Variants in NBEA observed in about 807,000 individuals in gnomAD.
NBEA encodes the protein neurobeachin.
Under a neutral mutation model 343.4 loss-of-function variants are expected in NBEA, and 44 were observed. The ratio of observed to expected loss-of-function variants is 0.13; its 90% CI spans 0.10 to 0.16. The LOEUF is 0.16. Among genes scored for constraint, NBEA ranks in the 10% least tolerant of loss-of-function variants. The pLI is 1.00. For missense variants in NBEA, 2,555 were observed against 3,631.3 expected (o/e 0.70, Z 7.62); for synonymous variants, 1,175 against 1,238.7 (o/e 0.95, Z 1.08).
chr13:35,566,230 G>T lies in NBEA; in HGVS notation c.6923-675G>T, dbSNP rs185452496. 4.3e-3 allele frequency among the ~76,000 whole-genome samples: 654 copies of T among 152,002 alleles called. 5 individuals carry two copies. The highest frequency in any genetic ancestry group is 7.4e-3 in the Non-Finnish European group (504 of 67,952). Reference sequence around the variant, plus strand: ...ACAAAAATTAGCCAGGTGCGGTGGCGCGTGCCTGTAATCCCAGCTACTCAG... The same window carrying T: ...ACAAAAATTAGCCAGGTGCGGTGGCTCGTGCCTGTAATCCCAGCTACTCAG... On this transcript the variant is annotated intron_variant, in intron 44 of 58. Coordinates refer to ENST00000379939, the MANE Select transcript of NBEA (RefSeq NM_001385012.1).
intron 36 of NBEA, among the ~76,000 whole-genome samples, chr13:35,323,482 A>G (rs2788386): frequency 0.22 from 33,273 of 149,674 alleles, 4,198 homozygotes; most frequent in African/African-American, 0.35. Flanking sequence ...ACCAAACACC[A>G]CATATTCTCA....
intron 23 of NBEA, among the ~76,000 whole-genome samples, chr13:35,162,340 T>C (rs1041418658): frequency 1.3e-5 from 2 of 152,186 alleles, no homozygotes; most frequent in Non-Finnish European, 2.9e-5. Context: ...ATCATTTACA[T>C]AGGCATGAAT....
intron 33 of NBEA, among the ~76,000 whole-genome samples, chr13:35,228,760 A>G (rs936718064): frequency 2.0e-5 from 3 of 152,130 alleles, no homozygotes; most frequent in African/African-American, 7.2e-5. Flanking sequence ...ATAGTCATCA[A>G]TCAAGCATCT....
At chr13:35,125,826 A>T (rs1055128917) in intron 17 of NBEA, among the ~76,000 whole-genome samples, 5 of 134,930 alleles carry the variant, frequency 3.7e-5, no homozygotes, top group African/African-American at 1.4e-4. Flanking sequence ...AAACAAATGC[A>T]TACATACATA....
chr13:35,466,052 T>C (rs2075373519), intron 40 of NBEA, among the ~76,000 whole-genome samples: 1 of 152,172 alleles, frequency 6.6e-6, no homozygotes. Context: ...ATTCAGTTGC[T>C]CATATAAGAG....
chr13:35,287,288 TG>T (rs1406416618), intron 34 of NBEA, among the ~76,000 whole-genome samples: 1 of 152,020 alleles, frequency 6.6e-6, no homozygotes, highest in Non-Finnish European at 1.5e-5. Context: ...ATATTTTTGT[TG>T]GGGAGGCACA....
At chr13:35,085,005 C>A (rs965969026) in intron 10 of NBEA, among the ~76,000 whole-genome samples, 1 of 152,166 alleles carries the variant, frequency 6.6e-6, no homozygotes, top group Non-Finnish European at 1.5e-5. Flanking sequence ...AATTCCTCGA[C>A]ACATACACCC....
chr13:35,137,745 C>T (rs1014056491), intron 17 of NBEA, among the ~76,000 whole-genome samples: 5 of 151,592 alleles, frequency 3.3e-5, no homozygotes, highest in African/African-American at 1.2e-4. Flanking sequence ...TTTCTGTTTC[C>T]CTACAGTTTA....
intron 1 of NBEA, among the ~76,000 whole-genome samples, chr13:35,040,564 A>G (rs2062612903): frequency 6.6e-6 from 1 of 152,008 alleles, no homozygotes; most frequent in Non-Finnish European, 1.5e-5. Context: ...AATGAATTTC[A>G]TGTCTTAAAA....
intron 11 of NBEA, among the ~76,000 whole-genome samples, chr13:35,104,732 T>G (rs1378927120): frequency 1.3e-5 from 2 of 152,098 alleles, no homozygotes; most frequent in South Asian, 2.1e-4. Flanking sequence ...ATGAGAGGCC[T>G]TTTTATTAAT....
chr13:35,064,637 G>A (rs1566230217), intron 8 of NBEA, among the ~76,000 whole-genome samples: 2 of 151,878 alleles, frequency 1.3e-5, no homozygotes, highest in Non-Finnish European at 2.9e-5. Context: ...TCAGTAGCCC[G>A]TAATCTGACT....
At chr13:35,365,498 A>G (rs1407622213) in intron 38 of NBEA, among the ~76,000 whole-genome samples, 1 of 151,656 alleles carries the variant, frequency 6.6e-6, no homozygotes. Flanking sequence ...TTATTAAAAT[A>G]TACATCTACC....
chr13:35,093,501 T>G, intron 10 of NBEA, among the ~76,000 whole-genome samples: 1 of 152,024 alleles, frequency 6.6e-6, no homozygotes, highest in East Asian at 1.9e-4. Context: ...TAGTGTATGT[T>G]AATCCTATTT....
rs768996415 is a variant in NBEA at position 35,055,995 on chromosome 13, AT to A, written c.973-8del. The A allele has an allele frequency of 1.9e-6, 3 of 1,563,570 alleles. No individual in the cohort carries two copies. The highest frequency in any genetic ancestry group is 1.8e-5 in the Admixed American group (1 of 54,110). ...CAAACATTACATATTGATATATTTA[AT>A]TTTTTTATTTAAGTGGTACATGATC... On this transcript the variant is annotated splice_polypyrimidine_tract_variant and intron_variant, in intron 6 of 58. Transcript: ENST00000379939.
chr13:35,114,833 T>G (rs1455437344), intron 13 of NBEA, among the ~76,000 whole-genome samples: 1 of 152,232 alleles, frequency 6.6e-6, no homozygotes, highest in Non-Finnish European at 1.5e-5. Flanking sequence ...TATAGTAGAA[T>G]GTAAGGTTCT....
chr13:35,032,852 T>C (rs1401500132), intron 1 of NBEA, among the ~76,000 whole-genome samples: 4 of 151,748 alleles, frequency 2.6e-5, no homozygotes, highest in Non-Finnish European at 5.9e-5. Context: ...GTTTGGATTA[T>C]TAGATATTTT....
chr13:35,381,984 A>T (rs2152892563), intron 38 of NBEA, among the ~76,000 whole-genome samples: 1 of 152,274 alleles, frequency 6.6e-6, no homozygotes, highest in East Asian at 1.9e-4. Context: ...AATGGAAAAC[A>T]ACAATTATTC....
At chr13:35,241,473 C>T (rs1401851147) in intron 34 of NBEA, among the ~76,000 whole-genome samples, 1 of 151,496 alleles carries the variant, frequency 6.6e-6, no homozygotes. Context: ...GAGAAAAAAA[C>T]ATAGGAAAAT....
chr13:35,322,556 G>A (rs2038236269), intron 36 of NBEA, among the ~76,000 whole-genome samples: 1 of 152,178 alleles, frequency 6.6e-6, no homozygotes, highest in African/African-American at 2.4e-5. Context: ...GACTGGAGCT[G>A]TTCTTATTCG....
Sources: allele counts gnomAD v4.1 joint callset (sites outside exome capture counted in the v4.1 genomes callset), GRCh38; gene constraint gnomAD v4.1.1; transcripts MANE v1.5; gene names NCBI Gene and HGNC (gene_info 2026-07-23, HGNC 2026-07-21).